FSIP1: variants seen among roughly 807,000 people sequenced by gnomAD.
FSIP1 encodes fibrous sheath interacting protein 1.
Under a neutral mutation model 60.9 loss-of-function variants are expected in FSIP1, and 65 were observed. The ratio of observed to expected loss-of-function variants is 1.07; its 90% CI spans 0.87 to 1.31. FSIP1 has a LOEUF of 1.31. Ranked by LOEUF, FSIP1 falls within the 40% of genes most tolerant of loss-of-function variation. The pLI, the probability that FSIP1 is intolerant of heterozygous loss-of-function variation, is 0.00. For missense variants in FSIP1, 675 were observed against 665.5 expected (o/e 1.01, Z -0.16); for synonymous variants, 209 against 221.2 (o/e 0.94, Z 0.49).
intron 10 of FSIP1, among the ~76,000 whole-genome samples, chr15:39,633,131 G>A (rs930776949): frequency 5.7e-5 from 7 of 122,674 alleles, no homozygotes; most frequent in South Asian, 2.5e-4. Flanking sequence ...TCTTGCTATC[G>A]CCAGGCTGGA....
At chr15:39,708,203 G>A (rs940503235) in intron 10 of FSIP1, among the ~76,000 whole-genome samples, 3 of 152,124 alleles carry the variant, frequency 2.0e-5, no homozygotes, top group Non-Finnish European at 4.4e-5. Flanking sequence ...AGCTGCAGGT[G>A]GCTCAGCACA....
chr15:39,704,771 T>C (rs1190652070), intron 10 of FSIP1, among the ~76,000 whole-genome samples: 1 of 152,220 alleles, frequency 6.6e-6, no homozygotes. Flanking sequence ...GTCTTCTGAC[T>C]GGGGTTCATA....
chr15:39,651,295 G>A (rs1472402753), intron 10 of FSIP1, among the ~76,000 whole-genome samples: 1 of 152,196 alleles, frequency 6.6e-6, no homozygotes, highest in African/African-American at 2.4e-5. Flanking sequence ...TGGAAATGAT[G>A]AATGTCAAAA....
At chr15:39,765,483 A>G in intron 4 of FSIP1, 109 bp downstream of exon 4, 1 of 733,332 alleles carries the variant, frequency 1.4e-6, no homozygotes, top group Non-Finnish European at 2.1e-6. Flanking sequence ...GCCTCAAGCA[A>G]TCCTCCTGCC....
chr15:39,641,084 T>C (rs1415454245), intron 10 of FSIP1, among the ~76,000 whole-genome samples: 2 of 152,226 alleles, frequency 1.3e-5, no homozygotes, highest in Non-Finnish European at 2.9e-5. Context: ...ACAGAAATGA[T>C]TTGTTACTGA....
rs143664697 is a variant in FSIP1, at chr15:39,698,967, A to G, written c.1188+14477T>C. Among the ~76,000 whole-genome samples the G allele has an allele frequency of 3.5e-3, 532 of 152,316 alleles. 3 individuals carry two copies. The highest frequency in any genetic ancestry group is 0.012 in the African/African-American group (508 of 41,552). On this transcript the variant is annotated intron_variant, in intron 10 of 11. Transcript: ENST00000350221. ...GAGGTAAACAGATAAGAGGTGATGC[A>G]ATAGCTTTATGATGGGACAACTGCC...
chr15:39,768,072 C>T (rs759860817), intron 3 of FSIP1, among the ~76,000 whole-genome samples: 88 of 152,200 alleles, frequency 5.8e-4, no homozygotes, highest in Non-Finnish European at 9.1e-4. Context: ...TAGACACTGC[C>T]ATGGGATCAG....
At chr15:39,706,737 C>T (rs1480837151) in intron 10 of FSIP1, among the ~76,000 whole-genome samples, 5 of 152,164 alleles carry the variant, frequency 3.3e-5, no homozygotes, top group Non-Finnish European at 7.3e-5. Context: ...CTCCGCCTCC[C>T]CATCCATCCC....
intron 10 of FSIP1, among the ~76,000 whole-genome samples, chr15:39,640,538 G>A (rs1263303209): frequency 6.6e-6 from 1 of 152,088 alleles, no homozygotes; most frequent in Admixed American, 6.5e-5. Context: ...GCCTTGCCCC[G>A]GGTCGCAGCG....
chr15:39,701,571 T>C (rs1371256172), intron 10 of FSIP1, among the ~76,000 whole-genome samples: 1 of 152,156 alleles, frequency 6.6e-6, no homozygotes, highest in African/African-American at 2.4e-5. Context: ...AGGATCCTGT[T>C]TAAAGGATCA....
chr15:39,645,689 G>A (rs534262024), intron 10 of FSIP1, among the ~76,000 whole-genome samples: 1 of 152,324 alleles, frequency 6.6e-6, no homozygotes, highest in South Asian at 2.1e-4. Flanking sequence ...GCCCTCCCAC[G>A]TGCAGGGCGT....
In FSIP1 at chr15:39,735,290, T is replaced by C. The variant is rs76537013; in HGVS notation, c.891+2801A>G. Among the ~76,000 whole-genome samples, 1,160 of 152,354 alleles carry C rather than the reference T, an allele frequency of 7.6e-3. 18 individuals carry two copies. The highest frequency in any genetic ancestry group is 9.7e-3 in the Non-Finnish European group (657 of 68,032). On this transcript the variant is annotated intron_variant, in intron 8 of 11. Transcript: ENST00000350221. Reference sequence around the variant, plus strand: ...CACAAACCTAGATGGTAGAGTGTACTACACACCCAGGCCACATTGTAAAGC... The same window carrying C: ...CACAAACCTAGATGGTAGAGTGTACCACACACCCAGGCCACATTGTAAAGC...
intron 10 of FSIP1, among the ~76,000 whole-genome samples, chr15:39,650,652 T>G (rs1892829129): frequency 6.6e-6 from 1 of 152,150 alleles, no homozygotes; most frequent in South Asian, 2.1e-4. Flanking sequence ...ACCACCTCCC[T>G]GGCCTCAGCG....
At chr15:39,764,263 C>G (rs1330433653) in intron 4 of FSIP1, among the ~76,000 whole-genome samples, 1 of 151,952 alleles carries the variant, frequency 6.6e-6, no homozygotes, top group Non-Finnish European at 1.5e-5. Flanking sequence ...ATTATGTTTC[C>G]ATTTATAATT....
At chr15:39,768,965 T>C (rs757902082) in intron 3 of FSIP1, among the ~76,000 whole-genome samples, 1 of 152,218 alleles carries the variant, frequency 6.6e-6, no homozygotes, top group Non-Finnish European at 1.5e-5. Flanking sequence ...CATCAGTTAA[T>C]ATTGCCACCA....
intron 2 of FSIP1, among the ~76,000 whole-genome samples, chr15:39,772,814 C>T (rs1452640875): frequency 2.0e-5 from 3 of 152,082 alleles, no homozygotes; most frequent in African/African-American, 7.2e-5. Flanking sequence ...TGGTCTCGAA[C>T]TCCTGGGTTC....
At chr15:39,653,974 A>G (rs1016411058) in intron 10 of FSIP1, among the ~76,000 whole-genome samples, 2 of 152,030 alleles carry the variant, frequency 1.3e-5, no homozygotes, top group African/African-American at 4.8e-5. Context: ...AGAAACACAC[A>G]CATTAGCCTA....
intron 10 of FSIP1, among the ~76,000 whole-genome samples, chr15:39,621,172 T>C (rs1891429535): frequency 1.3e-5 from 2 of 151,880 alleles, no homozygotes; most frequent in African/African-American, 4.8e-5. Context: ...TTGGGGAGGG[T>C]TGAGTCCATT....
At chr15:39,750,545 TCTCTTCAATAAATGGTGCTGGGAAAA>T (rs369930797) in intron 5 of FSIP1, among the ~76,000 whole-genome samples, 1 of 151,958 alleles carries the variant, frequency 6.6e-6, no homozygotes, top group Non-Finnish European at 1.5e-5. Flanking sequence ...GAAAAGGTAG[TCTCTTCAATAAATGGTGCTGGGAAAA>T]CTGGAATTCC....
Sources: allele counts gnomAD v4.1 joint callset (sites outside exome capture counted in the v4.1 genomes callset), GRCh38; gene constraint gnomAD v4.1.1; transcripts MANE v1.5; gene names NCBI Gene and HGNC (gene_info 2026-07-23, HGNC 2026-07-21).